Variants in CAMK4 observed in about 807,000 individuals in gnomAD.
CAMK4 encodes the protein calcium/calmodulin dependent protein kinase IV.
In CAMK4, 22 loss-of-function variants were observed where a neutral mutation model predicts 44.9. The ratio of observed to expected loss-of-function variants is 0.49; its 90% CI spans 0.35 to 0.70. The LOEUF (loss-of-function observed/expected upper bound fraction) is 0.70. Among genes scored for constraint, CAMK4 ranks in the 30% least tolerant of loss-of-function variants. CAMK4 has a pLI of 0.01. For missense variants in CAMK4, 498 were observed against 586.8 expected (o/e 0.85, Z 1.56); for synonymous variants, 218 against 215.4 (o/e 1.01, Z -0.11).
At position 111,326,985 on chromosome 5, in the gene CAMK4, T is replaced by C. The variant is rs60143343; in HGVS notation, c.162-17039T>C. Among the ~76,000 whole-genome samples, 1,243 of 152,016 alleles carry C rather than the reference T, an allele frequency of 8.2e-3. 16 individuals carry two copies. The highest frequency in any genetic ancestry group is 0.028 in the African/African-American group (1,156 of 41,520). The stretch of plus-strand genomic sequence containing the variant: ...ATTCCAAAATAGAAAGCTGAGTGCT[T>C]TCTAAGAAACTGTTTTTTTTTTAAA... On this transcript the variant is annotated intron_variant, in intron 1 of 10. Coordinates refer to ENST00000282356, the MANE Select transcript of CAMK4 (RefSeq NM_001744.6).
At chr5:111,232,474 C>T (rs894874702) in intron 1 of CAMK4, among the ~76,000 whole-genome samples, 2 of 152,104 alleles carry the variant, frequency 1.3e-5, no homozygotes, top group Middle Eastern at 3.4e-3. Flanking sequence ...CAGAAAAATT[C>T]AGGATATACA....
intron 1 of CAMK4, among the ~76,000 whole-genome samples, chr5:111,316,994 C>G (rs996830732): frequency 1.3e-5 from 2 of 152,104 alleles, no homozygotes; most frequent in African/African-American, 4.8e-5. Flanking sequence ...CTTGAAATTT[C>G]TAGCTGGTTC....
chr5:111,487,546 T>G lies in CAMK4; in HGVS notation c.*3080T>G, dbSNP rs1371747610. 1.3e-5 allele frequency: 2 copies of G among 152,162 alleles called. No homozygotes were observed. The highest frequency in any genetic ancestry group is 2.9e-5 in the Non-Finnish European group (2 of 68,018). The allele number at this position is 152,162 out of a possible 1,614,324, so 9.4% of individuals were successfully genotyped here. On this transcript the variant is annotated 3_prime_UTR_variant, in exon 11 of 11. Coordinates refer to ENST00000282356, the MANE Select transcript of CAMK4 (RefSeq NM_001744.6). ...ATTTAAGATTTTCTATTAGTCACAT[T>G]TTAAGAAAAATAGATGAAAGTATAG...
In CAMK4 at chr5:111,394,781, C is replaced by G. The variant is rs1751934277; in HGVS notation, c.458C>G (p.Ala153Gly). The G allele has an allele frequency of 3.7e-6, 6 of 1,602,450 alleles. No homozygotes were observed. Among genetic ancestry groups the G allele is most frequent in the Non-Finnish European group, 5.1e-6 (6 of 1,169,880 alleles). ...GTTAAACAAATCCTGGAGGCAGTTGCTGTAAGTATGAAGTAACAGCAATGG... is the reference window on the plus strand; with the variant it reads ...GTTAAACAAATCCTGGAGGCAGTTGGTGTAAGTATGAAGTAACAGCAATGG... Reference protein sequence around the residue: ...DAVKQILEAVAYLHENGIVHR... With the variant: ...DAVKQILEAVGYLHENGIVHR... Residue 153 changes from alanine (A) to glycine (G), a missense_variant and splice_region_variant, in exon 5 of 11, where the codon GCT becomes GGT. By Grantham distance (60) the Ala-to-Gly change is moderately conservative (BLOSUM62 0). Transcript: ENST00000282356.
At chr5:111,364,071 C>T (rs1363138347) in intron 2 of CAMK4, among the ~76,000 whole-genome samples, 1 of 152,018 alleles carries the variant, frequency 6.6e-6, no homozygotes, top group African/African-American at 2.4e-5. Flanking sequence ...ATTTCCTCTA[C>T]TCCCAGGTGA....
intron 1 of CAMK4, among the ~76,000 whole-genome samples, chr5:111,265,024 T>C (rs967488526): frequency 1.3e-5 from 2 of 152,112 alleles, no homozygotes; most frequent in Non-Finnish European, 2.9e-5. Context: ...ACACCCTCTA[T>C]CACCACCTTC....
chr5:111,331,703 A>G (rs1178873604), intron 1 of CAMK4, among the ~76,000 whole-genome samples: 1 of 151,664 alleles, frequency 6.6e-6, no homozygotes, highest in Non-Finnish European at 1.5e-5. Flanking sequence ...AAGGGATTAC[A>G]TATCTCTGTT....
chr5:111,327,780 T>A (rs1748965912), intron 1 of CAMK4, among the ~76,000 whole-genome samples: 1 of 150,196 alleles, frequency 6.7e-6, no homozygotes, highest in African/African-American at 2.5e-5. Context: ...CATTTTTTCA[T>A]GTGTCTTTTG....
chr5:111,231,657 C>T (rs1748484283), intron 1 of CAMK4, among the ~76,000 whole-genome samples: 2 of 152,218 alleles, frequency 1.3e-5, no homozygotes, highest in South Asian at 4.1e-4. Flanking sequence ...CATAAGATTT[C>T]TGTTTTATGT....
intron 4 of CAMK4, among the ~76,000 whole-genome samples, chr5:111,383,622 A>AT (rs10671641): frequency 0.33 from 46,393 of 141,922 alleles, 7,602 homozygotes; most frequent in African/African-American, 0.4. Flanking sequence ...AGGGGAGATA[A>AT]TTTTTTTTTT....
At chr5:111,280,375 A>T (rs1287641209) in intron 1 of CAMK4, among the ~76,000 whole-genome samples, 1 of 152,170 alleles carries the variant, frequency 6.6e-6, no homozygotes, top group Non-Finnish European at 1.5e-5. Context: ...AATGGCTCAA[A>T]TTTTTTTACA....
At chr5:111,355,813 C>G (rs1750323885) in intron 2 of CAMK4, among the ~76,000 whole-genome samples, 1 of 149,172 alleles carries the variant, frequency 6.7e-6, no homozygotes, top group South Asian at 2.2e-4. Flanking sequence ...TCATCCATGT[C>G]CCTACAAAGG....
In CAMK4 at chr5:111,416,215, T is replaced by A. The variant is rs1752808301; in HGVS notation, c.459+21433T>A. Among the ~76,000 whole-genome samples the A allele has an allele frequency of 2.0e-5, 3 of 152,086 alleles. No homozygotes were observed. The South Asian group carries it at 6.2e-4, about 31-fold the overall frequency. ...TAAATAGAAAAGTAACTATAAACTA[T>A]GCATATATATGAACAAACTCCCATA... On this transcript the variant is annotated intron_variant, in intron 5 of 10. Transcript: ENST00000282356.
chr5:111,395,335 C>T (rs1304578522), intron 5 of CAMK4, among the ~76,000 whole-genome samples: 6 of 151,694 alleles, frequency 4.0e-5, no homozygotes, highest in Non-Finnish European at 7.4e-5. Context: ...CTATATAATG[C>T]CATAAGTGTG....
intron 4 of CAMK4, among the ~76,000 whole-genome samples, chr5:111,384,679 C>T (rs1174828525): frequency 1.3e-5 from 2 of 152,108 alleles, no homozygotes; most frequent in African/African-American, 2.4e-5. Context: ...CCCTATAATT[C>T]TTCCTCTGAG....
At chr5:111,455,432 A>G (rs932230592) in intron 7 of CAMK4, among the ~76,000 whole-genome samples, 2 of 152,176 alleles carry the variant, frequency 1.3e-5, no homozygotes, top group Non-Finnish European at 1.5e-5. Context: ...TAATAAAGAG[A>G]TGATTAAATG....
At chr5:111,334,143 A>T (rs549383590) in intron 1 of CAMK4, among the ~76,000 whole-genome samples, 1 of 151,640 alleles carries the variant, frequency 6.6e-6, no homozygotes, top group Admixed American at 6.6e-5. Context: ...ATTCCTTGAC[A>T]TGATATATTT....
chr5:111,330,840 T>C (rs184658471), intron 1 of CAMK4, among the ~76,000 whole-genome samples: 80 of 151,794 alleles, frequency 5.3e-4, no homozygotes, highest in African/African-American at 1.7e-3. Context: ...TTAGTTGATT[T>C]TTGGCAAAAG....
chr5:111,405,464 C>T (rs1752388161), intron 5 of CAMK4, among the ~76,000 whole-genome samples: 2 of 151,978 alleles, frequency 1.3e-5, no homozygotes, highest in Admixed American at 1.3e-4. Context: ...AAGACTGCGT[C>T]TCAAAACAAA....
Sources: allele counts gnomAD v4.1 joint callset (sites outside exome capture counted in the v4.1 genomes callset), GRCh38; gene constraint gnomAD v4.1.1; transcripts MANE v1.5; gene names NCBI Gene and HGNC (gene_info 2026-07-23, HGNC 2026-07-21).